SCN9A: variants seen among roughly 807,000 people sequenced by gnomAD.
The protein encoded by SCN9A is sodium channel protein type 9 subunit alpha.
In SCN9A, 131 loss-of-function variants were observed where a neutral mutation model predicts 187.0. That is an observed-to-expected ratio of 0.70 (90% CI 0.61 to 0.81). The LOEUF (loss-of-function observed/expected upper bound fraction) is 0.81, where lower values mean the gene tolerates loss of function less well. SCN9A is among the 30% of genes least tolerant of loss of function. The pLI, the probability that SCN9A is intolerant of heterozygous loss-of-function variation, is 0.00. For missense variants in SCN9A, 2,252 were observed against 2,396.6 expected (o/e 0.94, Z 1.26); for synonymous variants, 809 against 808.6 (o/e 1.00, Z -0.01).
chr2:166,340,584 TTCTTTCTTTCTTTCTTTC>T (rs1699754358), intron 1 of SCN9A, among the ~76,000 whole-genome samples: 1 of 94,106 alleles, frequency 1.1e-5, no homozygotes, highest in Non-Finnish European at 2.0e-5. Context: ...CTTTCTTTCT[TTCTTTCTTTCTTTCTTTC>T]TTTTTCTTTC....
chr2:166,262,108 C>A (rs919852781), intron 17 of SCN9A, among the ~76,000 whole-genome samples: 3 of 151,894 alleles, frequency 2.0e-5, no homozygotes, highest in Non-Finnish European at 2.9e-5. Context: ...CTCATAGTTA[C>A]CTCAGCAAGG....
chr2:166,204,398 C>T lies in SCN9A; in HGVS notation c.4465G>A (p.Gly1489Arg). Reference sequence around the variant, plus strand: ...ATTGGCTTTTGTGGCTTCTTGGACCCCAGCTTTTTCATTGCATTATAGTAT... The same window carrying T: ...ATTGGCTTTTGTGGCTTCTTGGACCTCAGCTTTTTCATTGCATTATAGTAT... ...KKYYNAMKKL[G>R]SKKPQKPIPR... Residue 1489 changes from glycine to arginine, a missense_variant, in exon 25 of 27, where the codon GGG (glycine) becomes AGG (arginine). Coordinates refer to ENST00000642356, the MANE Select transcript of SCN9A (RefSeq NM_001365536.1). 6.2e-7 allele frequency: 1 copy of T among 1,609,374 alleles called. No homozygotes were observed. Among genetic ancestry groups the T allele is most frequent in the Non-Finnish European group, 8.5e-7 (1 of 1,177,946 alleles).
At chr2:166,216,429 C>A (rs938167260) in intron 24 of SCN9A, among the ~76,000 whole-genome samples, 1 of 151,872 alleles carries the variant, frequency 6.6e-6, no homozygotes, top group African/African-American at 2.4e-5. Context: ...TGTAAGAAAG[C>A]AAGAAATAAA....
At chr2:166,293,584 C>T (rs1040423612) in intron 8 of SCN9A, among the ~76,000 whole-genome samples, 2 of 152,166 alleles carry the variant, frequency 1.3e-5, no homozygotes, top group South Asian at 2.1e-4. Flanking sequence ...ATAACATCTA[C>T]CTCAAGAAAA....
At chr2:166,248,974 C>G (rs1023423667) in intron 18 of SCN9A, among the ~76,000 whole-genome samples, 1 of 151,950 alleles carries the variant, frequency 6.6e-6, no homozygotes, top group African/African-American at 2.4e-5. Context: ...CAGCCTCTGA[C>G]CTTAACTTTT....
At chr2:166,290,566 T>C (rs957111574) in intron 9 of SCN9A, among the ~76,000 whole-genome samples, 1 of 152,164 alleles carries the variant, frequency 6.6e-6, no homozygotes, top group Non-Finnish European at 1.5e-5. Context: ...CTTCATAGCC[T>C]CACCAGAATC....
chr2:166,308,508 G>A (rs1318125261), intron 2 of SCN9A, among the ~76,000 whole-genome samples: 3 of 152,082 alleles, frequency 2.0e-5, no homozygotes, highest in Non-Finnish European at 4.4e-5. Flanking sequence ...CTTCCCCTTT[G>A]CCTTCGACCA....
At chr2:166,359,814 G>A (rs897783518) in intron 1 of SCN9A, among the ~76,000 whole-genome samples, 5 of 151,404 alleles carry the variant, frequency 3.3e-5, no homozygotes, top group African/African-American at 4.8e-5. Flanking sequence ...TGTGATTTGG[G>A]TATTTCATAA....
rs201510411 is a variant in SCN9A, at chr2:166,306,619, C to A, written c.378-20G>T. On this transcript the variant is annotated intron_variant, in intron 3 of 26. Coordinates refer to ENST00000642356, the MANE Select transcript of SCN9A (RefSeq NM_001365536.1). The stretch of plus-strand genomic sequence containing the variant: ...AATAAGGTAGCTTAGAATCAAGGAA[C>A]AAAAGAGACGACAGTGGGAATTTGA... 22 of 1,471,340 alleles carry A rather than the reference C, an allele frequency of 1.5e-5. No individual in the cohort carries two copies. Among genetic ancestry groups the A allele is most frequent in the African/African-American group, 2.8e-5 (2 of 71,796 alleles). 91.1% of individuals were successfully genotyped at this position (1,471,340 alleles called of 1,614,324 possible). A position where few individuals can be genotyped will look rare whatever the true frequency, so the allele number is the denominator to read the frequency against.
At chr2:166,276,150 T>C (rs1697224252) in intron 16 of SCN9A, among the ~76,000 whole-genome samples, 1 of 151,102 alleles carries the variant, frequency 6.6e-6, no homozygotes, top group Non-Finnish European at 1.5e-5. Context: ...CTAATCAGTA[T>C]AAGGAAGAAA....
intron 1 of SCN9A, among the ~76,000 whole-genome samples, chr2:166,340,590 C>CTTTG (rs1338130166): frequency 5.7e-4 from 56 of 97,736 alleles, no homozygotes; most frequent in South Asian, 3.0e-3. Context: ...TTCTTTCTTT[C>CTTTG]TTTCTTTCTT....
intron 17 of SCN9A, among the ~76,000 whole-genome samples, chr2:166,258,584 C>A (rs1364279735): frequency 6.6e-6 from 1 of 151,440 alleles, no homozygotes; most frequent in East Asian, 1.9e-4. Context: ...GTGCATAAAA[C>A]CATTTCAAAA....
intron 17 of SCN9A, among the ~76,000 whole-genome samples, chr2:166,252,394 A>G (rs190144362): frequency 4.6e-5 from 7 of 152,102 alleles, no homozygotes; most frequent in Admixed American, 2.6e-4. Context: ...GATAAAGTCC[A>G]AATGTATTTT....
At chr2:166,253,369 AG>A (rs1696130103) in intron 17 of SCN9A, among the ~76,000 whole-genome samples, 1 of 151,848 alleles carries the variant, frequency 6.6e-6, no homozygotes, top group Non-Finnish European at 1.5e-5. Flanking sequence ...CAGTTATGAA[AG>A]TATCAGTACA....
intron 10 of SCN9A, among the ~76,000 whole-genome samples, chr2:166,288,116 T>C (rs202096506): frequency 0.11 from 10,783 of 98,816 alleles, 535 homozygotes; most frequent in East Asian, 0.2. Context: ...TATATATATA[T>C]ATATACACAC....
At chr2:166,246,970 G>A (rs1025441519) in intron 18 of SCN9A, among the ~76,000 whole-genome samples, 1 of 151,776 alleles carries the variant, frequency 6.6e-6, no homozygotes, top group African/African-American at 2.4e-5. Context: ...AAGCTGGTTA[G>A]CAATGTTATC....
In SCN9A at chr2:166,311,787, C is replaced by G. The variant is rs200780217; in HGVS notation, c.-31G>C. ...CATCCTGTATATTTTAATTCCTCTT[C>G]AGCTCCTCACATAAGAGGCCTGGAT... On this transcript the variant is annotated 5_prime_UTR_variant, in exon 2 of 27. Coordinates refer to ENST00000642356, the MANE Select transcript of SCN9A (RefSeq NM_001365536.1). 1 of 1,548,036 alleles carries G rather than the reference C, an allele frequency of 6.5e-7. No individual in the cohort carries two copies. The highest frequency in any genetic ancestry group is 8.8e-7 in the Non-Finnish European group (1 of 1,142,716).
At chr2:166,242,855 TGTTA>T (rs142466888) in intron 18 of SCN9A, among the ~76,000 whole-genome samples, 199 bp from the exon 19 acceptor site, 4 of 152,268 alleles carry the variant, frequency 2.6e-5, no homozygotes, top group Non-Finnish European at 5.9e-5. Flanking sequence ...TCTAAATAGT[TGTTA>T]GTTAGTTTTA....
chr2:166,245,388 A>C (rs1054146868), intron 18 of SCN9A, among the ~76,000 whole-genome samples: 3 of 152,012 alleles, frequency 2.0e-5, no homozygotes, highest in Admixed American at 6.6e-5. Flanking sequence ...ACACATCACT[A>C]GGACAGGTAG....
Sources: allele counts gnomAD v4.1 joint callset (sites outside exome capture counted in the v4.1 genomes callset), GRCh38; gene constraint gnomAD v4.1.1; transcripts MANE v1.5; gene names NCBI Gene and HGNC (gene_info 2026-07-23, HGNC 2026-07-21).